Variants in XKR9 observed in about 807,000 individuals in gnomAD.
The protein encoded by XKR9 is XK-related protein 9.
Under a neutral mutation model 32.0 loss-of-function variants are expected in XKR9, and 32 were observed. The observed-to-expected ratio is 1.00, with a 90% CI of 0.76 to 1.34. The LOEUF (loss-of-function observed/expected upper bound fraction) is 1.34. Among genes scored for constraint, XKR9 ranks in the 40% most tolerant of loss-of-function variants. The pLI is 0.00. For synonymous variants in XKR9, 168 were observed against 143.4 expected, an observed-to-expected ratio of 1.17 and a Z score of -1.22; for missense variants, 546 against 429.7, an observed-to-expected ratio of 1.27 and a Z score of -2.39.
the XKR9 span, among the ~76,000 whole-genome samples, chr8:70,887,657 T>G: frequency 6.6e-6 from 1 of 152,150 alleles, no homozygotes; most frequent in Non-Finnish European, 1.5e-5. Context: ...TTAAGTTGTA[T>G]TCCTAGGTAT....
the XKR9 span, among the ~76,000 whole-genome samples, chr8:71,034,691 T>C: frequency 6.6e-6 from 1 of 151,990 alleles, no homozygotes; most frequent in Non-Finnish European, 1.5e-5. Flanking sequence ...CTCTAAGTGA[T>C]GTCAGCCTCC....
chr8:70,915,814 G>C, the XKR9 span, among the ~76,000 whole-genome samples: 28 of 152,098 alleles, frequency 1.8e-4, 1 homozygote, highest in Admixed American at 1.0e-3. Context: ...CTGAAAAGCC[G>C]CCTTTTGTGG....
chr8:70,902,152 A>G, the XKR9 span, among the ~76,000 whole-genome samples: 8 of 152,286 alleles, frequency 5.3e-5, no homozygotes, highest in African/African-American at 1.9e-4. Flanking sequence ...TTTTGGTTCC[A>G]TATGAACTTT....
intron 3 of XKR9, among the ~76,000 whole-genome samples, chr8:70,702,509 T>G (rs550075395): frequency 6.6e-6 from 1 of 152,292 alleles, no homozygotes; most frequent in Non-Finnish European, 1.5e-5. Context: ...TCCTTTCAAT[T>G]ACTGAGAGGT....
At chr8:71,047,502 A>C in the XKR9 span, among the ~76,000 whole-genome samples, 2 of 152,312 alleles carry the variant, frequency 1.3e-5, no homozygotes, top group South Asian at 2.1e-4. Context: ...TTCCAAAGTG[A>C]TCATGTGTAG....
intron 2 of XKR9, among the ~76,000 whole-genome samples, chr8:70,769,392 G>A (rs948922695): frequency 6.6e-6 from 1 of 151,828 alleles, no homozygotes; most frequent in Non-Finnish European, 1.5e-5. Flanking sequence ...TTTCAGCCTT[G>A]GTGAATCTGA....
intron 4 of XKR9, among the ~76,000 whole-genome samples, chr8:70,711,335 T>A (rs1805913050): frequency 6.6e-6 from 1 of 152,214 alleles, no homozygotes; most frequent in Non-Finnish European, 1.5e-5. Flanking sequence ...AGATGTTCAT[T>A]GCAGCACTTT....
downstream of XKR9, among the ~76,000 whole-genome samples, chr8:70,740,453 C>G (rs561339405): frequency 4.3e-4 from 65 of 152,268 alleles, no homozygotes; most frequent in East Asian, 0.012. Flanking sequence ...CATCTGAAGC[C>G]TTCTTCTCTC....
chr8:70,845,283 A>G, the XKR9 span, among the ~76,000 whole-genome samples: 5 of 152,346 alleles, frequency 3.3e-5, no homozygotes, highest in Middle Eastern at 6.8e-3. Context: ...ATCTTCAGGA[A>G]AAAGTCATCC....
chr8:70,972,835 C>G, the XKR9 span, among the ~76,000 whole-genome samples: 1 of 152,056 alleles, frequency 6.6e-6, no homozygotes, highest in Non-Finnish European at 1.5e-5. Flanking sequence ...GGTGGATCGT[C>G]TTTTTGATAT....
intron 2 of XKR9, among the ~76,000 whole-genome samples, chr8:70,774,777 G>A (rs147149720): frequency 1.4e-3 from 216 of 152,226 alleles, no homozygotes; most frequent in African/African-American, 5.0e-3. Flanking sequence ...AGTGCACACT[G>A]TTCTGAAAAA....
At chr8:70,760,941 C>T (rs563583120) in intron 2 of XKR9, among the ~76,000 whole-genome samples, 3 of 152,332 alleles carry the variant, frequency 2.0e-5, no homozygotes, top group Admixed American at 2.0e-4. Context: ...TTAGCTCCCA[C>T]TTACATGTGA....
At chr8:71,014,985 T>A in the XKR9 span, among the ~76,000 whole-genome samples, 1 of 152,152 alleles carries the variant, frequency 6.6e-6, no homozygotes, top group African/African-American at 2.4e-5. Flanking sequence ...TCATTTCAGA[T>A]GTTGCTGGGA....
At chr8:70,956,471 A>G in the XKR9 span, among the ~76,000 whole-genome samples, 1 of 152,198 alleles carries the variant, frequency 6.6e-6, no homozygotes, top group Non-Finnish European at 1.5e-5. Context: ...TTCTTACTCC[A>G]GGTGCCCACT....
chr8:71,050,070 A>G, the XKR9 span, among the ~76,000 whole-genome samples: 2 of 152,018 alleles, frequency 1.3e-5, no homozygotes, highest in South Asian at 2.1e-4. Context: ...CTGGATTTGA[A>G]TCATGGCATC....
At chr8:70,993,373 G>A in the XKR9 span, among the ~76,000 whole-genome samples, 1 of 152,132 alleles carries the variant, frequency 6.6e-6, no homozygotes, top group African/African-American at 2.4e-5. Context: ...TAAGGGTCCT[G>A]TTTCCTAGCC....
chr8:70,778,071 G>T (rs1327936748), intron 2 of XKR9, among the ~76,000 whole-genome samples: 1 of 152,100 alleles, frequency 6.6e-6, no homozygotes, highest in Non-Finnish European at 1.5e-5. Context: ...TCCTTCTAAG[G>T]TTTTTATGGT....
the XKR9 span, among the ~76,000 whole-genome samples, chr8:70,873,388 G>A: frequency 1.3e-5 from 2 of 152,114 alleles, no homozygotes; most frequent in Non-Finnish European, 2.9e-5. Flanking sequence ...AAAATAAATG[G>A]AAAACTTCTA....
In XKR9 at chr8:70,734,651, TC is replaced by T. The variant is rs199532081; in HGVS notation, c.*228del. The T allele has an allele frequency of 4.8e-3, 1,751 of 368,536 alleles. 28 individuals are homozygous for T. The highest frequency in any genetic ancestry group is 0.035 in the African/African-American group (1,626 of 46,548). 22.8% of individuals were successfully genotyped at this position (368,536 alleles called of 1,614,324 possible). ...TTTCTACTGCCTGGTAGAGCTGCCA[TC>T]TTGAGCCTGAAATATAAGAAATGGT... On this transcript the variant is annotated 3_prime_UTR_variant, in exon 5 of 5. Coordinates refer to ENST00000408926, the MANE Select transcript of XKR9 (RefSeq NM_001011720.2).
Sources: gnomAD v4.1 joint callset for allele counts (sites outside exome capture counted in the v4.1 genomes callset) on GRCh38, gnomAD v4.1.1 for gene constraint, MANE v1.5 for transcripts, NCBI Gene and HGNC (gene_info 2026-07-23, HGNC 2026-07-21) for gene names.